Variants in ZDHHC14 observed in about 807,000 individuals in gnomAD.
ZDHHC14 encodes palmitoyltransferase ZDHHC14.
In ZDHHC14, 16 loss-of-function variants were observed where a neutral mutation model predicts 47.7. The ratio of observed to expected loss-of-function variants is 0.34; its 90% CI spans 0.23 to 0.51. The LOEUF (loss-of-function observed/expected upper bound fraction) is 0.51. Ranked by LOEUF, ZDHHC14 falls within the 20% of genes least tolerant of loss-of-function variation. The pLI is 0.97. For synonymous variants in ZDHHC14, 293 were observed against 278.9 expected (o/e 1.05, Z -0.50); for missense variants, 515 against 662.5 (o/e 0.78, Z 2.44).
rs747384114 is a variant in ZDHHC14, at chr6:157,673,010, C to T, written c.1355C>T (p.Ala452Val). 1.1e-5 allele frequency: 18 copies of T among 1,572,144 alleles called. No homozygotes were observed. The highest frequency in any genetic ancestry group is 8.1e-5 in the African/African-American group (6 of 74,056). Reference protein sequence around the residue: ...DEAPSPPRLLAAGSPLAHSRT... With the variant: ...DEAPSPPRLLVAGSPLAHSRT... ...GCGCCCTCGCCCCCCAGGCTACTGG[C>T]GGCGGGCAGCCCCCTGGCGCACAGC... Residue 452 changes from alanine (A) to valine (V), a missense_variant, in exon 9 of 9, where the codon GCG (alanine) becomes GTG (valine). Physicochemically the swap from Ala to Val is moderately conservative, Grantham distance 64. Around this residue, in one of 4 missense-constraint regions of ZDHHC14, gnomAD observed 221 missense variants for 233.6 expected, o/e 0.95. Coordinates refer to ENST00000359775, the MANE Select transcript of ZDHHC14 (RefSeq NM_024630.3). This position sits in a 1 kb window ranked among gnomAD's most constrained non-coding sequence, Gnocchi z 5.4.
At chr6:157,611,660 G>A (rs1434664619) in intron 3 of ZDHHC14, among the ~76,000 whole-genome samples, 3 of 152,184 alleles carry the variant, frequency 2.0e-5, no homozygotes, top group Non-Finnish European at 2.9e-5. Context: ...GGTGGACTCT[G>A]GCCAAGTGCT....
intron 2 of ZDHHC14, among the ~76,000 whole-genome samples, chr6:157,545,511 C>T (rs1781936269): frequency 6.6e-6 from 1 of 151,886 alleles, no homozygotes; most frequent in Admixed American, 6.6e-5. Context: ...CCCGTCTCTA[C>T]TAAAAATACA....
At chr6:157,528,899 T>TG (rs1329203974) in intron 1 of ZDHHC14, among the ~76,000 whole-genome samples, 1 of 145,610 alleles carries the variant, frequency 6.9e-6, no homozygotes, top group Non-Finnish European at 1.5e-5. Context: ...AGATGAAGAC[T>TG]GGGGGTGGGA....
chr6:157,441,010 A>C (rs1017571291), intron 1 of ZDHHC14, among the ~76,000 whole-genome samples: 2 of 152,232 alleles, frequency 1.3e-5, no homozygotes, highest in Admixed American at 1.3e-4. Flanking sequence ...ACGAAAAGGA[A>C]TGTGACTTAT....
chr6:157,566,745 TC>T (rs1782918015), intron 2 of ZDHHC14, among the ~76,000 whole-genome samples: 1 of 152,186 alleles, frequency 6.6e-6, no homozygotes, highest in Non-Finnish European at 1.5e-5. Flanking sequence ...CAAGTCCCAG[TC>T]CCATCTGGGT....
intron 5 of ZDHHC14, among the ~76,000 whole-genome samples, chr6:157,635,924 A>T (rs745437598): frequency 2.0e-5 from 3 of 152,224 alleles, no homozygotes; most frequent in African/African-American, 7.2e-5. Flanking sequence ...GAAAACGCAT[A>T]GAAGTCTCAG....
chr6:157,451,577 T>C (rs1778803136), intron 1 of ZDHHC14, among the ~76,000 whole-genome samples: 1 of 152,256 alleles, frequency 6.6e-6, no homozygotes, highest in African/African-American at 2.4e-5. Flanking sequence ...TTTATTATTT[T>C]TGAGACAGAG....
intron 2 of ZDHHC14, among the ~76,000 whole-genome samples, chr6:157,590,279 A>G (rs894063464): frequency 2.6e-5 from 4 of 152,238 alleles, no homozygotes; most frequent in Non-Finnish European, 4.4e-5. Flanking sequence ...GACAATGGGG[A>G]AAATGTCTCC....
chr6:157,649,823 A>T (rs1777734879), intron 7 of ZDHHC14, among the ~76,000 whole-genome samples: 1 of 152,200 alleles, frequency 6.6e-6, no homozygotes, highest in Non-Finnish European at 1.5e-5. Flanking sequence ...GAGGAATGGA[A>T]AATTGGGAAC....
intron 2 of ZDHHC14, among the ~76,000 whole-genome samples, chr6:157,561,968 CT>C (rs5881220): frequency 0.25 from 37,988 of 152,032 alleles, 4,920 homozygotes; most frequent in East Asian, 0.37. Context: ...GGGTTAGATA[CT>C]TTTTTTCCCT....
intron 1 of ZDHHC14, among the ~76,000 whole-genome samples, chr6:157,415,472 C>T (rs1777954842): frequency 6.6e-6 from 1 of 152,188 alleles, no homozygotes; most frequent in Non-Finnish European, 1.5e-5. Flanking sequence ...TTTTATAGAA[C>T]AGGTGGGATG....
intron 2 of ZDHHC14, among the ~76,000 whole-genome samples, chr6:157,559,900 C>G (rs546276619): frequency 6.6e-6 from 1 of 152,248 alleles, no homozygotes; most frequent in African/African-American, 2.4e-5. Flanking sequence ...AATAGGCCCC[C>G]ATGGACAGGG....
chr6:157,562,916 G>T (rs1006724859), intron 2 of ZDHHC14, among the ~76,000 whole-genome samples: 6 of 150,848 alleles, frequency 4.0e-5, no homozygotes, highest in African/African-American at 7.3e-5. Context: ...GGTCAAGGAA[G>T]AACCTAGAAC....
rs780862280 is a variant in ZDHHC14, at chr6:157,672,913, G to A, written c.1258G>A (p.Glu420Lys). 1.4e-5 allele frequency: 22 copies of A among 1,604,554 alleles called. No individual in the cohort carries two copies. The East Asian group carries it at 2.0e-4, about 15-fold the overall frequency. Residue 420 changes from glutamate (E) to lysine (K), a missense_variant, in exon 9 of 9, where the codon GAG becomes AAG. By Grantham distance (56) the Glu-to-Lys change is moderately conservative. Transcript: ENST00000359775. ...TPPASMPNLA[E>K]ATLADVMPRK... ...GCCCGCCTCCATGCCCAACCTCGCC[G>A]AGGCCACGCTCGCGGACGTGATGCC... is the stretch of plus-strand genomic sequence containing the variant.
intron 2 of ZDHHC14, among the ~76,000 whole-genome samples, chr6:157,553,640 A>G (rs1223059832): frequency 1.3e-5 from 2 of 148,400 alleles, no homozygotes; most frequent in African/African-American, 5.0e-5. Flanking sequence ...GGGGGGTGGG[A>G]GAGGGCTGGG....
intron 1 of ZDHHC14, among the ~76,000 whole-genome samples, chr6:157,414,125 T>G (rs1354440284): frequency 1.3e-5 from 2 of 152,090 alleles, no homozygotes; most frequent in African/African-American, 4.8e-5. Flanking sequence ...AGAGACAGAG[T>G]TTCACCATGT....
intron 1 of ZDHHC14, among the ~76,000 whole-genome samples, chr6:157,441,612 G>A (rs1039085459): frequency 1.3e-5 from 2 of 152,226 alleles, no homozygotes; most frequent in Non-Finnish European, 2.9e-5. Flanking sequence ...GCCAAGGTGG[G>A]TGGATCACCT....
chr6:157,599,842 G>A (rs1409971023), intron 3 of ZDHHC14, among the ~76,000 whole-genome samples: 1 of 152,132 alleles, frequency 6.6e-6, no homozygotes, highest in Non-Finnish European at 1.5e-5. Context: ...CAAAGTGCAA[G>A]TAACAGATTC....
At chr6:157,664,711 G>A (rs1262791620) in intron 8 of ZDHHC14, among the ~76,000 whole-genome samples, 3 of 152,174 alleles carry the variant, frequency 2.0e-5, no homozygotes, top group Non-Finnish European at 4.4e-5. Context: ...ATGTGTTGGA[G>A]GTGTTCATGA....
Sources: gnomAD v4.1 joint callset for allele counts (sites outside exome capture counted in the v4.1 genomes callset) on GRCh38, gnomAD v4.1.1 for gene constraint, gnomAD v4.1.1 regional missense constraint, Gnocchi (gnomAD v3.1) non-coding constraint, MANE v1.5 for transcripts, NCBI Gene and HGNC (gene_info 2026-07-23, HGNC 2026-07-21) for gene names.